UNC13C: variants seen among roughly 807,000 people sequenced by gnomAD.
UNC13C encodes the protein unc-13 homolog C, also known as protein unc-13 homolog C.
Under a neutral mutation model 245.4 loss-of-function variants are expected in UNC13C, and 174 were observed. That is an observed-to-expected ratio of 0.71 (90% CI 0.63 to 0.80). The LOEUF (loss-of-function observed/expected upper bound fraction) is 0.80. Among genes scored for constraint, UNC13C ranks in the 30% least tolerant of loss-of-function variants. The pLI is 0.00. For missense variants in UNC13C, 2,829 were observed against 2,602.9 expected, an observed-to-expected ratio of 1.09 and a Z score of -1.89; for synonymous variants, 992 against 895.1, an observed-to-expected ratio of 1.11 and a Z score of -1.93.
At chr15:54,525,922 A>G (rs918714690) in intron 25 of UNC13C, among the ~76,000 whole-genome samples, 4 of 152,214 alleles carry the variant, frequency 2.6e-5, no homozygotes, top group Non-Finnish European at 5.9e-5. Context: ...GACAGAAACC[A>G]TATCTCACAC....
At chr15:54,058,236 G>T (rs1265320238) in intron 2 of UNC13C, among the ~76,000 whole-genome samples, 1 of 152,066 alleles carries the variant, frequency 6.6e-6, no homozygotes, top group Admixed American at 6.6e-5. Context: ...AAGAAGAAAA[G>T]AGAGAAGAAT....
chr15:54,050,115 GC>G (rs1167369113), intron 2 of UNC13C: 2 of 332,878 alleles, frequency 6.0e-6, no homozygotes, highest in Non-Finnish European at 5.9e-6. Context: ...GATTACAGGC[GC>G]CCGCCACCAC....
chr15:54,527,473 TAAGTA>T (rs1478934246), intron 25 of UNC13C, among the ~76,000 whole-genome samples: 1 of 152,196 alleles, frequency 6.6e-6, no homozygotes, highest in East Asian at 1.9e-4. Context: ...AACTAGAATA[TAAGTA>T]AAGTATATTT....
At chr15:54,247,644 C>T (rs1440825579) in intron 7 of UNC13C, among the ~76,000 whole-genome samples, 1 of 152,032 alleles carries the variant, frequency 6.6e-6, no homozygotes, top group Non-Finnish European at 1.5e-5. Flanking sequence ...GATATATACC[C>T]TCTAGTAGGT....
intron 19 of UNC13C, among the ~76,000 whole-genome samples, chr15:54,486,862 G>C (rs1380314386): frequency 6.6e-6 from 1 of 152,044 alleles, no homozygotes; most frequent in East Asian, 1.9e-4. Context: ...CTATGGCTTG[G>C]ACAAGTCATG....
chr15:54,015,732 T>G lies in UNC13C; in HGVS notation c.2829T>G (p.Ala943=). Residue 943 remains alanine (A), a synonymous_variant, in exon 2 of 33, where the codon GCT becomes GCG. Coordinates refer to ENST00000260323, the MANE Select transcript of UNC13C (RefSeq NM_001080534.3). The stretch of plus-strand genomic sequence containing the variant: ...TAGAACCCTTAAATGAAACATCAGC[T>G]GAGATGGAAATAAGAGAAGATGAAA... The part of the protein sequence containing the change: ...EGLEPLNETS[A]EMEIREDENQ... 6.2e-7 allele frequency: 1 copy of G among 1,613,438 alleles called. No individual in the cohort carries two copies. Among genetic ancestry groups the G allele is most frequent in the Non-Finnish European group, 8.5e-7 (1 of 1,179,692 alleles).
chr15:54,532,932 TG>T lies in UNC13C; in HGVS notation c.5563del (p.Glu1855LysfsTer4). 1 of 1,557,922 alleles carries T rather than the reference TG, an allele frequency of 6.4e-7. No individual in the cohort carries two copies. On this transcript the variant is annotated frameshift_variant, in exon 26 of 33. Transcript: ENST00000260323. LOFTEE classifies it high-confidence loss of function. ...TYGESFQVII[E>X]ECIKQMSFEL... ...TTATTTTTAGTTTCCAGGTTATAATTGAAGAGTGTATAAAACAGATGAGTTT... is the reference window on the plus strand; with the variant it reads ...TTATTTTTAGTTTCCAGGTTATAATTAAGAGTGTATAAAACAGATGAGTTT...
Position 53,978,467 on chromosome 15 carries a change from T to C in UNC13C, c.-717T>C, listed in dbSNP as rs1239606401. 2.0e-5 allele frequency among the ~76,000 whole-genome samples: 3 copies of C among 152,076 alleles called. No individual in the cohort carries two copies. Among genetic ancestry groups the C allele is most frequent in the South Asian group, 4.1e-4 (2 of 4,830 alleles). ...GAAAAGACTCAGCCGCAGCCGGCGATGTGTGAAGTTCCCAGCACGCACTCA... is the reference window on the plus strand; with the variant it reads ...GAAAAGACTCAGCCGCAGCCGGCGACGTGTGAAGTTCCCAGCACGCACTCA... On this transcript the variant is annotated 5_prime_UTR_variant, in exon 1 of 33. An upstream start codon of the reference 5' UTR is lost. Coordinates refer to ENST00000260323, the MANE Select transcript of UNC13C (RefSeq NM_001080534.3).
At chr15:54,080,065 C>A (rs1474823192) in intron 2 of UNC13C, among the ~76,000 whole-genome samples, 1 of 136,456 alleles carries the variant, frequency 7.3e-6, no homozygotes, top group African/African-American at 2.6e-5. Context: ...GTTTTGGCAT[C>A]GATTGAGAGG....
Position 54,014,809 on chromosome 15 carries a change from G to T in UNC13C, c.1906G>T (p.Ala636Ser), listed in dbSNP as rs768897828. Reference protein sequence around the residue: ...DSGMSNGMVCASGDRSHYSDS... With the variant: ...DSGMSNGMVCSSGDRSHYSDS... ...TGGAATGAGTAATGGCATGGTGTGT[G>T]CATCTGGAGACCGGAGTCATTACAG... is the stretch of plus-strand genomic sequence containing the variant. The change falls in exon 2 of 33, where the codon GCA (alanine) becomes TCA (serine). Residue 636 changes from alanine (A) to serine (S), a missense_variant. By Grantham distance (99) the Ala-to-Ser change is moderately conservative. Transcript: ENST00000260323. The T allele has an allele frequency of 6.2e-7, 1 of 1,613,862 alleles. No individual in the cohort carries two copies. Among genetic ancestry groups the T allele is most frequent in the East Asian group, 2.2e-5 (1 of 44,872 alleles).
At chr15:54,451,825 T>C (rs1337863097) in intron 19 of UNC13C, among the ~76,000 whole-genome samples, 3 of 152,214 alleles carry the variant, frequency 2.0e-5, no homozygotes, top group Non-Finnish European at 4.4e-5. Flanking sequence ...TCATATTTCC[T>C]TCCTTTGTCA....
chr15:53,966,700 A>G, the UNC13C span, among the ~76,000 whole-genome samples: 1 of 151,942 alleles, frequency 6.6e-6, no homozygotes, highest in Admixed American at 6.6e-5. Flanking sequence ...ATATCCTGGC[A>G]TTGCTCTTTA....
At chr15:54,421,388 C>A (rs1251493584) in intron 19 of UNC13C, among the ~76,000 whole-genome samples, 1 of 152,000 alleles carries the variant, frequency 6.6e-6, no homozygotes, top group African/African-American at 2.4e-5. Context: ...TATACAAATG[C>A]CCTATAGCCC....
chr15:54,297,836 A>G lies in UNC13C; in HGVS notation c.4014A>G (p.Val1338=). The change falls in exon 12 of 33, where the codon GTA becomes GTG. Residue 1338 remains valine, a synonymous_variant. Coordinates refer to ENST00000260323, the MANE Select transcript of UNC13C (RefSeq NM_001080534.3). ...NLEKRTDKSA[V]SGAIRLKINV... Reference sequence around the variant, plus strand: ...AGAAAAGGACAGATAAGTCAGCTGTATCTGGGGCCATACGATTGAAAATCA... The same window carrying G: ...AGAAAAGGACAGATAAGTCAGCTGTGTCTGGGGCCATACGATTGAAAATCA... The G allele has an allele frequency of 6.2e-7, 1 of 1,610,120 alleles. No individual in the cohort carries two copies. The highest frequency in any genetic ancestry group is 8.5e-7 in the Non-Finnish European group (1 of 1,178,082).
At chr15:54,340,974 C>A (rs1475982437) in intron 17 of UNC13C, among the ~76,000 whole-genome samples, 1 of 151,984 alleles carries the variant, frequency 6.6e-6, no homozygotes, top group Non-Finnish European at 1.5e-5. Flanking sequence ...GGTAAGGCTG[C>A]AGAAAAAAGG....
chr15:54,095,366 C>T (rs1437582225), intron 2 of UNC13C, among the ~76,000 whole-genome samples: 1 of 152,156 alleles, frequency 6.6e-6, no homozygotes, highest in African/African-American at 2.4e-5. Context: ...GCATTCTCTC[C>T]AAAATTCCTC....
chr15:54,381,282 C>T (rs140840526), intron 17 of UNC13C, among the ~76,000 whole-genome samples: 1 of 152,100 alleles, frequency 6.6e-6, no homozygotes, highest in Non-Finnish European at 1.5e-5. Flanking sequence ...TATTTTTCAG[C>T]TCTCTATTCT....
At chr15:54,425,749 T>C (rs891331746) in intron 19 of UNC13C, among the ~76,000 whole-genome samples, 6 of 151,888 alleles carry the variant, frequency 4.0e-5, no homozygotes, top group African/African-American at 1.4e-4. Flanking sequence ...ATAGTGTGTT[T>C]ATTAGTCATC....
At chr15:54,273,699 C>G (rs2036753176) in intron 10 of UNC13C, among the ~76,000 whole-genome samples, 1 of 152,288 alleles carries the variant, frequency 6.6e-6, no homozygotes, top group Admixed American at 6.5e-5. Flanking sequence ...GCAATTTCCC[C>G]TGAGTGTAGT....
Sources: allele counts gnomAD v4.1 joint callset (sites outside exome capture counted in the v4.1 genomes callset), GRCh38; gene constraint gnomAD v4.1.1; transcripts MANE v1.5; gene names NCBI Gene and HGNC (gene_info 2026-07-23, HGNC 2026-07-21).